The following BORCS5 variants were observed in gnomAD, a reference collection of about 807,000 sequenced individuals.
The protein encoded by BORCS5 is BLOC-1 related complex subunit 5, also known as BLOC-1-related complex subunit 5.
A neutral mutation model predicts 22.1 loss-of-function variants in BORCS5; 17 were observed. That is an observed-to-expected ratio of 0.77 (90% CI 0.53 to 1.15). The LOEUF (loss-of-function observed/expected upper bound fraction) is 1.15, where lower values mean the gene tolerates loss of function less well. BORCS5 is among the 50% of genes most tolerant of loss of function. The pLI is 0.00. For synonymous variants in BORCS5, 117 were observed against 99.8 expected, an observed-to-expected ratio of 1.17 and a Z score of -1.03; for missense variants, 247 against 253.2, an observed-to-expected ratio of 0.98 and a Z score of 0.17.
intron 2 of BORCS5, among the ~76,000 whole-genome samples, chr12:12,433,833 G>T (rs1161424805): frequency 2.0e-5 from 3 of 152,196 alleles, no homozygotes; most frequent in Non-Finnish European, 4.4e-5. Flanking sequence ...AGATCTGAGA[G>T]CATCGACCAG....
At position 12,470,045 on chromosome 12, in the gene BORCS5, C is replaced by T. The variant is rs750250330; in HGVS notation, c.*4269C>T. The stretch of plus-strand genomic sequence containing the variant: ...GTGCTGCACAGCAGGAGGTGAGCGG[C>T]GGATGAGCAGGTGAAGCTTCACGTG... On this transcript the variant is annotated 3_prime_UTR_variant, in exon 4 of 4. Coordinates refer to ENST00000314565, the MANE Select transcript of BORCS5 (RefSeq NM_058169.6). Among the ~76,000 whole-genome samples, 10 of 152,004 alleles carry T rather than the reference C, an allele frequency of 6.6e-5. No homozygotes were observed. In the East Asian group the frequency reaches 7.7e-4, roughly 12 times the overall value.
chr12:12,442,850 T>C (rs1382691037), intron 3 of BORCS5, among the ~76,000 whole-genome samples: 1 of 152,222 alleles, frequency 6.6e-6, no homozygotes, highest in African/African-American at 2.4e-5. Context: ...TTGCCATTCA[T>C]GGGCCTGCAC....
chr12:12,431,692 G>C (rs906723609), intron 2 of BORCS5, among the ~76,000 whole-genome samples: 2 of 151,422 alleles, frequency 1.3e-5, no homozygotes, highest in African/African-American at 4.9e-5. Flanking sequence ...GAGCCACTGC[G>C]CCTGGCCCTT....
intron 2 of BORCS5, among the ~76,000 whole-genome samples, chr12:12,384,527 A>G (rs1443226302): frequency 6.7e-6 from 1 of 149,852 alleles, no homozygotes; most frequent in Admixed American, 6.7e-5. Context: ...TTTTTTTGTT[A>G]AGAACTGGGC....
chr12:12,374,715 T>C (rs1312038345), intron 2 of BORCS5, among the ~76,000 whole-genome samples: 1 of 152,044 alleles, frequency 6.6e-6, no homozygotes, highest in African/African-American at 2.4e-5. Context: ...GCCAGCACTT[T>C]GGGAGGCTGA....
chr12:12,410,401 G>T (rs1941702689), intron 2 of BORCS5, among the ~76,000 whole-genome samples: 1 of 152,168 alleles, frequency 6.6e-6, no homozygotes, highest in Admixed American at 6.5e-5. Context: ...ATTAGTTTTT[G>T]TATAAGGTGT....
chr12:12,420,055 TC>T (rs1161082703), intron 2 of BORCS5, among the ~76,000 whole-genome samples: 3 of 151,982 alleles, frequency 2.0e-5, no homozygotes, highest in African/African-American at 7.3e-5. Context: ...TTTAATTAGA[TC>T]CCATTTGTCA....
intron 3 of BORCS5, among the ~76,000 whole-genome samples, chr12:12,436,933 A>G (rs912514732): frequency 3.9e-5 from 6 of 152,198 alleles, no homozygotes; most frequent in East Asian, 1.9e-4. Flanking sequence ...TTATTTTACT[A>G]TATTATGGTC....
chr12:12,440,563 A>G (rs1039517759), intron 3 of BORCS5, among the ~76,000 whole-genome samples: 1 of 148,832 alleles, frequency 6.7e-6, no homozygotes, highest in Admixed American at 6.7e-5. Flanking sequence ...AGAGTTAAAG[A>G]TTGGGATATC....
intron 1 of BORCS5, among the ~76,000 whole-genome samples, chr12:12,359,706 C>T (rs1011470493): frequency 1.3e-5 from 2 of 151,580 alleles, no homozygotes; most frequent in African/African-American, 4.8e-5. Context: ...AGGCTGAAGC[C>T]TCGGGAATAG....
At chr12:12,401,844 G>T (rs1941484452) in intron 2 of BORCS5, among the ~76,000 whole-genome samples, 1 of 151,888 alleles carries the variant, frequency 6.6e-6, no homozygotes, top group Non-Finnish European at 1.5e-5. Context: ...GGATCACGAG[G>T]TCAGAAGATC....
In BORCS5 at chr12:12,425,121, A is replaced by T. The variant is rs537428645; in HGVS notation, c.203-10507A>T. On this transcript the variant is annotated intron_variant, in intron 2 of 3. Coordinates refer to ENST00000314565, the MANE Select transcript of BORCS5 (RefSeq NM_058169.6). ...GTCCTTTTCTCCCCTGCTGTCTCCC[A>T]CAAACTGTGTGCAAGCCACTCCAGG... Among the ~76,000 whole-genome samples the T allele has an allele frequency of 7.3e-4, 111 of 152,314 alleles. No homozygotes were observed. The South Asian group carries it at 0.022, about 30-fold the overall frequency.
chr12:12,444,165 A>T (rs1429351119), intron 3 of BORCS5, among the ~76,000 whole-genome samples: 1 of 152,224 alleles, frequency 6.6e-6, no homozygotes, highest in African/African-American at 2.4e-5. Context: ...CAATTATCTC[A>T]TCCTAGGGAC....
At chr12:12,376,931 A>G (rs11829597) in intron 2 of BORCS5, among the ~76,000 whole-genome samples, 22,535 of 152,126 alleles carry the variant, frequency 0.15, 3,736 homozygotes, top group African/African-American at 0.41. Flanking sequence ...CATTTCTCAT[A>G]AAACTAAGTC....
chr12:12,365,226 G>C lies in BORCS5; in HGVS notation c.202+3877G>C, dbSNP rs118073177. On this transcript the variant is annotated intron_variant, in intron 2 of 3. Coordinates refer to ENST00000314565, the MANE Select transcript of BORCS5 (RefSeq NM_058169.6). ...ATCGGGGATTTGGTTAAGGAAGGTA[G>C]AGATGAGATCATGGCTCACTCCAGC... 1.8e-3 allele frequency among the ~76,000 whole-genome samples: 268 copies of C among 152,244 alleles called. 3 individuals carry two copies. The East Asian group carries it at 0.028, about 16-fold the overall frequency.
At chr12:12,366,212 TG>T (rs1222037531) in intron 2 of BORCS5, among the ~76,000 whole-genome samples, 2 of 152,360 alleles carry the variant, frequency 1.3e-5, no homozygotes, top group East Asian at 3.9e-4. Context: ...TTCAACTTAA[TG>T]ACAGTTTATT....
At chr12:12,449,245 A>G (rs1490391894) in intron 3 of BORCS5, among the ~76,000 whole-genome samples, 2 of 152,164 alleles carry the variant, frequency 1.3e-5, no homozygotes, top group Admixed American at 6.5e-5. Flanking sequence ...GTGCTTGGTT[A>G]CAGACGGGGC....
In BORCS5 at chr12:12,469,059, G is replaced by A. The variant is rs937700148; in HGVS notation, c.*3283G>A. ...TACCCTGATATAGGAGTACATTCAAGAAATGAGTTTAGGCCGGGCGCGGTG... is the reference window on the plus strand; with the variant it reads ...TACCCTGATATAGGAGTACATTCAAAAAATGAGTTTAGGCCGGGCGCGGTG... On this transcript the variant is annotated 3_prime_UTR_variant, in exon 4 of 4. Coordinates refer to ENST00000314565, the MANE Select transcript of BORCS5 (RefSeq NM_058169.6). 2 of 152,188 alleles carry A rather than the reference G, an allele frequency of 1.3e-5. No homozygotes were observed. Among genetic ancestry groups the A allele is most frequent in the African/African-American group, 4.8e-5 (2 of 41,456 alleles). 9.4% of individuals were successfully genotyped at this position (152,188 alleles called of 1,614,324 possible).
chr12:12,402,913 T>C (rs911283360), intron 2 of BORCS5, among the ~76,000 whole-genome samples: 1 of 152,244 alleles, frequency 6.6e-6, no homozygotes, highest in Admixed American at 6.5e-5. Context: ...GTTGGTAGGA[T>C]AGAAAAACTT....
Sources: allele counts gnomAD v4.1 joint callset (sites outside exome capture counted in the v4.1 genomes callset), GRCh38; gene constraint gnomAD v4.1.1; transcripts MANE v1.5; gene names NCBI Gene and HGNC (gene_info 2026-07-23, HGNC 2026-07-21).